Variants in CCNJL observed in about 807,000 individuals in gnomAD.
CCNJL encodes the protein cyclin J like, also known as cyclin-J-like protein.
A neutral mutation model predicts 33.4 loss-of-function variants in CCNJL; 33 were observed. The observed-to-expected ratio is 0.99, with a 90% CI of 0.75 to 1.32. The LOEUF (loss-of-function observed/expected upper bound fraction) is 1.32. CCNJL is among the 40% of genes most tolerant of loss of function. CCNJL has a pLI of 0.00. For missense variants in CCNJL, 512 were observed against 499.7 expected, an observed-to-expected ratio of 1.02 and a Z score of -0.23; for synonymous variants, 227 against 220.9, an observed-to-expected ratio of 1.03 and a Z score of -0.24.
At chr5:160,302,909 C>T (rs975250721) in intron 2 of CCNJL, among the ~76,000 whole-genome samples, 6 of 152,136 alleles carry the variant, frequency 3.9e-5, no homozygotes, top group South Asian at 2.1e-4. Context: ...TCAAAGCATA[C>T]GTAATTTATG....
intron 3 of CCNJL, among the ~76,000 whole-genome samples, chr5:160,274,546 C>T (rs1761946497): frequency 6.6e-6 from 1 of 152,236 alleles, no homozygotes; most frequent in Non-Finnish European, 1.5e-5. Flanking sequence ...CTAAGGGACC[C>T]TGCTCTGCAG....
At chr5:160,267,281 A>C (rs1211222343) in intron 3 of CCNJL, among the ~76,000 whole-genome samples, 1 of 152,120 alleles carries the variant, frequency 6.6e-6, no homozygotes, top group Non-Finnish European at 1.5e-5. Flanking sequence ...CTCTCAGCTG[A>C]TTCTGGCAAC....
intron 2 of CCNJL, among the ~76,000 whole-genome samples, chr5:160,293,563 C>T (rs371952580): frequency 6.6e-6 from 1 of 152,296 alleles, no homozygotes; most frequent in South Asian, 2.1e-4. Flanking sequence ...GTACACATGT[C>T]GGCATGCGCA....
rs116428467 is a variant in CCNJL, at chr5:160,336,746, C to T, written n.206+2699G>A. ...CCCACTCCTCCCAGGAGCAGTGTTT[C>T]CCATCCTGGTGAAGGGCAATTCCAG... On this transcript the variant is annotated intron_variant and non_coding_transcript_variant, in intron 1 of 7. Coordinates refer to the CCNJL transcript ENST00000377503. Among the ~76,000 whole-genome samples the T allele has an allele frequency of 4.3e-3, 652 of 152,290 alleles. 4 individuals carry two copies. Among genetic ancestry groups the T allele is most frequent in the African/African-American group, 0.015 (626 of 41,554 alleles).
rs566011596 is a variant in CCNJL, at chr5:160,250,185, C to G, written c.*3193G>C. ...ACAGCCTCTGTGGCACAGTCTCCCC[C>G]CGCCCCAAGAGCTTAGAACCATCCA... On this transcript the variant is annotated 3_prime_UTR_variant, in exon 6 of 6. Transcript: ENST00000257536. 1 of 152,240 alleles carries G rather than the reference C, an allele frequency of 6.6e-6. No homozygotes were observed. Among genetic ancestry groups the G allele is most frequent in the African/African-American group, 2.4e-5 (1 of 41,452 alleles). The allele number at this position is 152,240 out of a possible 1,614,324, so 9.4% of individuals were successfully genotyped here. A position where few individuals can be genotyped will look rare whatever the true frequency, so the allele number is the denominator to read the frequency against.
intron 3 of CCNJL, among the ~76,000 whole-genome samples, chr5:160,263,001 C>A (rs1266856759): frequency 2.0e-5 from 3 of 152,192 alleles, no homozygotes; most frequent in Non-Finnish European, 4.4e-5. Context: ...TCCTTCCAAG[C>A]CAGACAATAG....
At chr5:160,260,340 G>T (rs1052447795) in intron 3 of CCNJL, among the ~76,000 whole-genome samples, 2 of 152,170 alleles carry the variant, frequency 1.3e-5, no homozygotes, top group African/African-American at 2.4e-5. Flanking sequence ...CTGGTTTCCA[G>T]GTCTTGGAAG....
At position 160,282,976 on chromosome 5, in the gene CCNJL, T is replaced by TAC. The variant is rs1554120724; in HGVS notation, c.67-2239_67-2238insGT. Among the ~76,000 whole-genome samples the TAC allele has an allele frequency of 6.6e-3, 329 of 49,798 alleles. 5 individuals are homozygous for TAC. Among genetic ancestry groups the TAC allele is most frequent in the South Asian group, 0.013 (15 of 1,116 alleles). The allele number at this position is 49,798 out of a possible 152,430, so 32.7% of individuals were successfully genotyped here. A position where few individuals can be genotyped will look rare whatever the true frequency, so the allele number is the denominator to read the frequency against. ...CATTCCAGTCCTTGGAATATATATA[T>TAC]ATATATATATATATATATATATATA... On this transcript the variant is annotated intron_variant, in intron 2 of 5. Coordinates refer to ENST00000257536, the MANE Select transcript of CCNJL (RefSeq NM_001308173.3).
intron 1 of CCNJL, among the ~76,000 whole-genome samples, chr5:160,334,491 AC>A (rs1205527294): frequency 5.3e-5 from 8 of 152,204 alleles, no homozygotes; most frequent in African/African-American, 1.9e-4. Flanking sequence ...TGCCTGACAT[AC>A]AGTAAGTCAT....
chr5:160,278,747 C>T (rs1580976909), intron 3 of CCNJL, among the ~76,000 whole-genome samples: 1 of 152,204 alleles, frequency 6.6e-6, no homozygotes, highest in East Asian at 1.9e-4. Context: ...AAGTCCCCTG[C>T]CCCCAGCGGG....
rs1760902033 is a variant in CCNJL at position 160,253,496 on chromosome 5, G to A, written c.1046C>T (p.Ala349Val). 6.2e-7 allele frequency: 1 copy of A among 1,614,068 alleles called. No homozygotes were observed. The highest frequency in any genetic ancestry group is 1.7e-5 in the Admixed American group (1 of 60,004). ...AATGGCCATATGCATGCTAAGGGAT[G>A]CAGGGACGGGCACGGGACACATATC... is the stretch of plus-strand genomic sequence containing the variant. ...PLDMCPVPVP[A>V]SLSMHMAIAA... The change falls in exon 6 of 6, where the codon GCA becomes GTA. Residue 349 changes from alanine to valine, a missense_variant. Ala to Val is a moderately conservative substitution (Grantham distance 64). Transcript: ENST00000257536.
chr5:160,313,228 C>G (rs1763332434), upstream of CCNJL, among the ~76,000 whole-genome samples: 1 of 152,164 alleles, frequency 6.6e-6, no homozygotes, highest in African/African-American at 2.4e-5. Context: ...GAAAGTCATC[C>G]TTTTGAGTCA....
At chr5:160,321,594 T>C (rs1462991299) in intron 1 of CCNJL, among the ~76,000 whole-genome samples, 1 of 152,222 alleles carries the variant, frequency 6.6e-6, no homozygotes, top group African/African-American at 2.4e-5. Flanking sequence ...AAAAATTTCT[T>C]GATTACGCAA....
intron 4 of CCNJL, among the ~76,000 whole-genome samples, chr5:160,256,882 C>T (rs186648970): frequency 2.4e-4 from 36 of 151,584 alleles, no homozygotes; most frequent in African/African-American, 8.5e-4. Context: ...CGAGCCATTG[C>T]ACTCCAGCCT....
intron 4 of CCNJL, among the ~76,000 whole-genome samples, chr5:160,257,257 C>T (rs1309361053): frequency 2.0e-5 from 3 of 152,094 alleles, no homozygotes; most frequent in East Asian, 3.9e-4. Flanking sequence ...GGGCAGATCA[C>T]GAGGTCAGGA....
chr5:160,285,387 A>G (rs1762370206), intron 2 of CCNJL, among the ~76,000 whole-genome samples: 1 of 148,952 alleles, frequency 6.7e-6, no homozygotes, highest in South Asian at 2.2e-4. Context: ...CAGTGTGAAG[A>G]GAACAGGGTT....
chr5:160,265,083 T>C (rs1000123145), intron 3 of CCNJL, among the ~76,000 whole-genome samples: 1 of 152,166 alleles, frequency 6.6e-6, no homozygotes, highest in African/African-American at 2.4e-5. Context: ...CAAGGTTCTG[T>C]AGAAATTCAG....
At chr5:160,268,952 G>A (rs1761718435) in intron 3 of CCNJL, among the ~76,000 whole-genome samples, 1 of 152,242 alleles carries the variant, frequency 6.6e-6, no homozygotes, top group Non-Finnish European at 1.5e-5. Context: ...CTGGCACAGA[G>A]GCCTTGATAA....
At chr5:160,266,298 G>A (rs1204307142) in intron 3 of CCNJL, among the ~76,000 whole-genome samples, 1 of 152,260 alleles carries the variant, frequency 6.6e-6, no homozygotes. Flanking sequence ...AGGGGTGGAA[G>A]CCCACGCAGG....
Sources: gnomAD v4.1 joint callset for allele counts (sites outside exome capture counted in the v4.1 genomes callset) on GRCh38, gnomAD v4.1.1 for gene constraint, MANE v1.5 for transcripts, NCBI Gene and HGNC (gene_info 2026-07-23, HGNC 2026-07-21) for gene names.